Variants in RSF1 observed in about 807,000 individuals in gnomAD.
The protein encoded by RSF1 is remodeling and spacing factor 1, also known as HBV pX-associated protein 8.
A neutral mutation model predicts 145.2 loss-of-function variants in RSF1; 13 were observed. The ratio of observed to expected loss-of-function variants is 0.09; its 90% confidence interval spans 0.06 to 0.14. The LOEUF is 0.14. Ranked by LOEUF, RSF1 falls within the 10% of genes least tolerant of loss-of-function variation. The pLI is 1.00. For synonymous variants in RSF1, 577 were observed against 592.6 expected (o/e 0.97, Z 0.38); for missense variants, 1,517 against 1,718.2 (o/e 0.88, Z 2.07).
chr11:77,720,491 A>G (rs2135880356), intron 5 of RSF1, among the ~76,000 whole-genome samples: 1 of 152,324 alleles, frequency 6.6e-6, no homozygotes, highest in East Asian at 1.9e-4. Flanking sequence ...AAATTAAGAC[A>G]ATGGATCTTA....
chr11:77,815,789 A>T (rs987671311), intron 1 of RSF1, among the ~76,000 whole-genome samples: 3 of 152,194 alleles, frequency 2.0e-5, no homozygotes, highest in Non-Finnish European at 4.4e-5. Flanking sequence ...CTACATCTGT[A>T]CATAGCAGAT....
chr11:77,703,848 T>C (rs760927295), intron 5 of RSF1, among the ~76,000 whole-genome samples: 2 of 152,140 alleles, frequency 1.3e-5, no homozygotes, highest in Admixed American at 1.3e-4. Context: ...AAAACAGAGA[T>C]GACAGTAATT....
the RSF1 span, among the ~76,000 whole-genome samples, chr11:77,835,234 C>T: frequency 2.0e-5 from 3 of 152,040 alleles, no homozygotes; most frequent in Non-Finnish European, 4.4e-5. Context: ...AGACATATAC[C>T]CTTTGCCCCG....
At chr11:77,766,038 G>A (rs1948222147) in intron 1 of RSF1, among the ~76,000 whole-genome samples, 1 of 151,984 alleles carries the variant, frequency 6.6e-6, no homozygotes, top group Non-Finnish European at 1.5e-5. Flanking sequence ...ATGAGCCACT[G>A]CACCAGGCCT....
chr11:77,683,672 A>T, intron 11 of RSF1, 38 bp downstream of exon 11: 1 of 1,383,040 alleles, frequency 7.2e-7, no homozygotes, highest in Non-Finnish European at 1.0e-6. Context: ...TGCAAAATAA[A>T]TCCTCTTTTG....
chr11:77,695,367 A>G (rs1047294197), intron 7 of RSF1, among the ~76,000 whole-genome samples: 19 of 152,064 alleles, frequency 1.2e-4, no homozygotes, highest in Non-Finnish European at 2.8e-4. Flanking sequence ...TGCCTTCTAC[A>G]TATGTTATTA....
the RSF1 span, chr11:77,869,993 G>C: frequency 1.7e-5 from 9 of 527,254 alleles, no homozygotes; most frequent in Admixed American, 3.3e-5. Flanking sequence ...GGGCTCTCCA[G>C]TCTACCTAAC....
chr11:77,740,940 A>G lies in RSF1; in HGVS notation c.373-4T>C. 6.2e-7 allele frequency: 1 copy of G among 1,602,358 alleles called. No individual in the cohort carries two copies. Among genetic ancestry groups the G allele is most frequent in the South Asian group, 1.1e-5 (1 of 90,770 alleles). ...CAAACTGACACTCACAGAGGTACTG[A>G]AAAATAGTCATAACATGACTTAAAA... On this transcript the variant is annotated splice_region_variant and splice_polypyrimidine_tract_variant and intron_variant, in intron 3 of 15. Coordinates refer to ENST00000308488, the MANE Select transcript of RSF1 (RefSeq NM_016578.4).
intron 5 of RSF1, among the ~76,000 whole-genome samples, chr11:77,706,334 T>C (rs910956917): frequency 6.6e-5 from 10 of 152,264 alleles, no homozygotes; most frequent in African/African-American, 2.2e-4. Flanking sequence ...GTGGGACCTT[T>C]AGAAAATTAC....
At chr11:77,815,493 ATTCAG>A (rs1239555078) in intron 1 of RSF1, among the ~76,000 whole-genome samples, 1 of 152,208 alleles carries the variant, frequency 6.6e-6, no homozygotes, top group Non-Finnish European at 1.5e-5. Flanking sequence ...TGAATACATG[ATTCAG>A]TTTAACATGT....
intron 3 of RSF1, among the ~76,000 whole-genome samples, chr11:77,741,748 A>G (rs1590861738): frequency 6.6e-6 from 1 of 152,204 alleles, no homozygotes; most frequent in East Asian, 1.9e-4. Context: ...AATATATTAT[A>G]TATTGTTATT....
intron 5 of RSF1, among the ~76,000 whole-genome samples, chr11:77,705,852 CA>C (rs914880272): frequency 6.0e-5 from 9 of 149,704 alleles, no homozygotes; most frequent in Admixed American, 1.3e-4. Context: ...GACCCTGTCT[CA>C]AAAAAAAACC....
At chr11:77,816,525 C>T (rs1948783682) in intron 1 of RSF1, among the ~76,000 whole-genome samples, 1 of 152,188 alleles carries the variant, frequency 6.6e-6, no homozygotes, top group Admixed American at 6.5e-5. Flanking sequence ...TAATATCATA[C>T]AACTAATTCA....
intron 1 of RSF1, among the ~76,000 whole-genome samples, chr11:77,766,996 G>A (rs1204659489): frequency 6.6e-6 from 1 of 152,082 alleles, no homozygotes; most frequent in Non-Finnish European, 1.5e-5. Flanking sequence ...TCAAAACTTA[G>A]TGATTTACTG....
intron 14 of RSF1, among the ~76,000 whole-genome samples, chr11:77,674,743 T>C (rs1384222039): frequency 6.6e-6 from 1 of 152,246 alleles, no homozygotes; most frequent in East Asian, 1.9e-4. Context: ...CTCACGCCTG[T>C]AATCCCAGCA....
chr11:77,718,376 T>A (rs968532868), intron 5 of RSF1: 20 of 152,152 alleles, frequency 1.3e-4, no homozygotes, highest in African/African-American at 4.6e-4. Context: ...TAGCTGCACA[T>A]CTCAGCATTC....
chr11:77,770,026 G>C (rs1200051784), intron 1 of RSF1, among the ~76,000 whole-genome samples: 1 of 152,144 alleles, frequency 6.6e-6, no homozygotes, highest in East Asian at 1.9e-4. Flanking sequence ...GATCCCACAG[G>C]CCACTTCATC....
chr11:77,686,408 C>CAAAAAAAAAAAAAA (rs564410248), intron 9 of RSF1, among the ~76,000 whole-genome samples: 1,244 of 36,986 alleles, frequency 0.034, 267 homozygotes, highest in African/African-American at 0.05. Context: ...GACCCTGTCT[C>CAAAAAAAAAAAAAA]AAAAAAAAAA....
chr11:77,694,104 C>T (rs928598715), intron 7 of RSF1, among the ~76,000 whole-genome samples: 5 of 151,844 alleles, frequency 3.3e-5, no homozygotes, highest in African/African-American at 9.7e-5. Flanking sequence ...TTAAAAAAAC[C>T]TAAAAAAAAG....
Sources: gnomAD v4.1 joint callset for allele counts (sites outside exome capture counted in the v4.1 genomes callset) on GRCh38, gnomAD v4.1.1 for gene constraint, MANE v1.5 for transcripts, NCBI Gene and HGNC (gene_info 2026-07-23, HGNC 2026-07-21) for gene names.